The following FSTL4 variants were observed in gnomAD, a reference collection of about 807,000 sequenced individuals.
FSTL4 encodes follistatin like 4.
Under a neutral mutation model 78.2 loss-of-function variants are expected in FSTL4, and 28 were observed. That is an observed-to-expected ratio of 0.36 (90% CI 0.27 to 0.49). FSTL4 has a LOEUF of 0.49. Ranked by LOEUF, FSTL4 falls within the 20% of genes least tolerant of loss-of-function variation. The probability of loss-of-function intolerance (pLI) is 0.98; values close to 1 mark genes in which losing one functional copy is unlikely to be tolerated. For synonymous variants in FSTL4, 422 were observed against 440.5 expected (o/e 0.96, Z 0.53); for missense variants, 922 against 1,084.9 (o/e 0.85, Z 2.11).
At chr5:133,777,892 A>G in the FSTL4 span, among the ~76,000 whole-genome samples, 2 of 152,376 alleles carry the variant, frequency 1.3e-5, no homozygotes, top group East Asian at 3.9e-4. Flanking sequence ...CATATGTAGG[A>G]CTATGTTTCT....
chr5:133,713,670 G>A, the FSTL4 span, among the ~76,000 whole-genome samples: 1 of 152,132 alleles, frequency 6.6e-6, no homozygotes, highest in Admixed American at 6.5e-5. Context: ...GCTTCATCTG[G>A]CTATGCAAAC....
intron 3 of FSTL4, among the ~76,000 whole-genome samples, chr5:133,465,129 C>T (rs1324291774): frequency 6.6e-6 from 1 of 152,222 alleles, no homozygotes; most frequent in African/African-American, 2.4e-5. Context: ...GCACATAGGG[C>T]AGTCCGGCCT....
intron 2 of FSTL4, among the ~76,000 whole-genome samples, chr5:133,578,043 AG>A (rs1178379078): frequency 6.6e-6 from 1 of 152,256 alleles, no homozygotes; most frequent in East Asian, 1.9e-4. Context: ...TAAGGAAACC[AG>A]TATTACATGA....
intron 3 of FSTL4, among the ~76,000 whole-genome samples, chr5:133,544,478 T>C (rs912771597): frequency 5.3e-5 from 8 of 152,186 alleles, no homozygotes; most frequent in Non-Finnish European, 1.2e-4. Context: ...ACTAGAACAG[T>C]AAAACAATTC....
chr5:133,527,202 T>C (rs1759148562), intron 3 of FSTL4, among the ~76,000 whole-genome samples: 1 of 152,216 alleles, frequency 6.6e-6, no homozygotes, highest in African/African-American at 2.4e-5. Context: ...TTATTTTGAT[T>C]CTGTGTTTGA....
In FSTL4 at chr5:133,202,025, G is replaced by GCTGGCTT; in HGVS notation, c.1727_1733dup (p.Ser578ArgfsTer20). On this transcript the variant is annotated frameshift_variant, in exon 15 of 16. Transcript: ENST00000265342. LOFTEE classifies it high-confidence loss of function. ...GGATGAGGTGCTGGCTCTGGCCGGT[G>GCTGGCTT]CTGGCTTCTGTGATCACCTACAACA... The GCTGGCTT allele has an allele frequency of 6.2e-7, 1 of 1,608,896 alleles. No individual in the cohort carries two copies. Among genetic ancestry groups the GCTGGCTT allele is most frequent in the Non-Finnish European group, 8.5e-7 (1 of 1,176,688 alleles).
intron 7 of FSTL4, among the ~76,000 whole-genome samples, chr5:133,243,222 T>C (rs1751930124): frequency 1.3e-5 from 2 of 151,324 alleles, no homozygotes; most frequent in Admixed American, 6.6e-5. Flanking sequence ...AAGCCCCAAA[T>C]AGCGAGATTC....
the FSTL4 span, among the ~76,000 whole-genome samples, chr5:133,654,296 A>G: frequency 6.6e-6 from 1 of 152,190 alleles, no homozygotes; most frequent in Non-Finnish European, 1.5e-5. Flanking sequence ...AATCCTCCCC[A>G]CAGTCCTCTG....
At chr5:133,740,012 C>T in the FSTL4 span, among the ~76,000 whole-genome samples, 2 of 151,954 alleles carry the variant, frequency 1.3e-5, no homozygotes, top group East Asian at 3.9e-4. Flanking sequence ...ACCACCTCAG[C>T]CCTGCAAGTA....
chr5:133,626,483 G>A, the FSTL4 span, among the ~76,000 whole-genome samples: 1 of 149,268 alleles, frequency 6.7e-6, no homozygotes, highest in African/African-American at 2.5e-5. Context: ...GATTACAGGT[G>A]CGAACCACCG....
chr5:133,604,409 C>T (rs1006633631), intron 1 of FSTL4, among the ~76,000 whole-genome samples: 3 of 151,990 alleles, frequency 2.0e-5, no homozygotes, highest in Admixed American at 6.5e-5. Flanking sequence ...AATTAGTGCT[C>T]GAGAAACTAT....
chr5:133,324,821 G>A (rs1754167670), intron 4 of FSTL4, among the ~76,000 whole-genome samples: 1 of 152,250 alleles, frequency 6.6e-6, no homozygotes, highest in African/African-American at 2.4e-5. Context: ...CTGGATCTCT[G>A]AAGGGGGCTA....
At chr5:133,292,555 C>CAA (rs35459497) in intron 6 of FSTL4, among the ~76,000 whole-genome samples, 25,098 of 145,328 alleles carry the variant, frequency 0.17, 2,493 homozygotes, top group African/African-American at 0.27. Context: ...ACCTGTGAAT[C>CAA]AAAAAAAAAA....
rs114357743 is a variant in FSTL4, at chr5:133,532,512, G to A, written c.160+34674C>T. ...ACAAGGCCAGGGAGGGAGGTATTCC[G>A]GTTAACCCAGGACACTGGTTACTTA... On this transcript the variant is annotated intron_variant, in intron 3 of 15. Transcript: ENST00000265342. Among the ~76,000 whole-genome samples, 405 of 152,208 alleles carry A rather than the reference G, an allele frequency of 2.7e-3. 1 individual carries two copies. The highest frequency in any genetic ancestry group is 9.1e-3 in the African/African-American group (378 of 41,524).
the FSTL4 span, among the ~76,000 whole-genome samples, chr5:133,755,059 C>T: frequency 6.6e-6 from 1 of 152,186 alleles, no homozygotes; most frequent in East Asian, 1.9e-4. Context: ...CCAGACCTCA[C>T]CCTTCCTCAT....
chr5:133,201,711 C>T (rs760210354), intron 15 of FSTL4, among the ~76,000 whole-genome samples: 3 of 152,162 alleles, frequency 2.0e-5, no homozygotes, highest in Non-Finnish European at 4.4e-5. Context: ...GCATTAGGAG[C>T]TGGGTGCCTT....
intron 3 of FSTL4, among the ~76,000 whole-genome samples, chr5:133,502,527 G>A (rs1323550284): frequency 6.6e-6 from 1 of 152,152 alleles, no homozygotes; most frequent in Non-Finnish European, 1.5e-5. Flanking sequence ...CCTGGTGGGA[G>A]GCAATTGGAT....
chr5:133,773,471 G>C, the FSTL4 span, among the ~76,000 whole-genome samples: 1 of 152,176 alleles, frequency 6.6e-6, no homozygotes, highest in Non-Finnish European at 1.5e-5. Context: ...TAGACAGAGA[G>C]AGAAGACAGA....
Position 133,249,489 on chromosome 5 carries a change from A to C in FSTL4, c.815T>G (p.Val272Gly). 6.2e-7 allele frequency: 1 copy of C among 1,613,454 alleles called. No individual in the cohort carries two copies. Among genetic ancestry groups the C allele is most frequent in the Admixed American group, 1.7e-5 (1 of 60,016 alleles). Residue 272 changes from valine to glycine, a missense_variant, in exon 7 of 16, where the codon GTC becomes GGC. Val to Gly is a moderately radical substitution (Grantham distance 109). Transcript: ENST00000265342. Reference sequence around the variant, plus strand: ...GATTGGTGGCCTCAGGTCTCCATGGACGGCGCAGGTCAGCACTGTGCTCAG... The same window carrying C: ...GATTGGTGGCCTCAGGTCTCCATGGCCGGCGCAGGTCAGCACTGTGCTCAG... ...VGLSTVLTCAVHGDLRPPIIW... is the reference protein window; with the variant it reads ...VGLSTVLTCAGHGDLRPPIIW...
Sources: gnomAD v4.1 joint callset for allele counts (sites outside exome capture counted in the v4.1 genomes callset) on GRCh38, gnomAD v4.1.1 for gene constraint, MANE v1.5 for transcripts, NCBI Gene and HGNC (gene_info 2026-07-23, HGNC 2026-07-21) for gene names.